SLC15A1: variants seen among roughly 807,000 people sequenced by gnomAD.
SLC15A1 encodes the protein Caco-2 oligopeptide transporter.
A neutral mutation model predicts 92.9 loss-of-function variants in SLC15A1; 83 were observed. The observed-to-expected ratio is 0.89, with a 90% confidence interval of 0.75 to 1.07. The LOEUF is 1.07. Among genes scored for constraint, SLC15A1 ranks in the 50% least tolerant of loss-of-function variants. The pLI, the probability that SLC15A1 is intolerant of heterozygous loss-of-function variation, is 0.00. For synonymous variants in SLC15A1, 322 were observed against 318.2 expected, an observed-to-expected ratio of 1.01 and a Z score of -0.13; for missense variants, 857 against 880.1, an observed-to-expected ratio of 0.97 and a Z score of 0.33.
intron 1 of SLC15A1, among the ~76,000 whole-genome samples, chr13:98,735,289 C>A (rs2088383157): frequency 6.6e-6 from 1 of 152,182 alleles, no homozygotes; most frequent in Non-Finnish European, 1.5e-5. Flanking sequence ...ATTCAACAGC[C>A]TTCATGCTAA....
At chr13:98,724,911 T>C (rs2088286840) in intron 4 of SLC15A1, among the ~76,000 whole-genome samples, 1 of 152,216 alleles carries the variant, frequency 6.6e-6, no homozygotes, top group South Asian at 2.1e-4. Context: ...AGTTTGGTTA[T>C]CTGTCTCCTG....
intron 18 of SLC15A1, among the ~76,000 whole-genome samples, chr13:98,696,696 G>T (rs112914941): frequency 3.3e-5 from 5 of 152,120 alleles, no homozygotes; most frequent in Non-Finnish European, 5.9e-5. Context: ...GAGCACGTGT[G>T]GGGGACAGGA....
intron 3 of SLC15A1, 23 bp from the exon 4 acceptor site, chr13:98,726,287 G>A (rs1045753020): frequency 1.4e-5 from 22 of 1,613,866 alleles, no homozygotes; most frequent in Non-Finnish European, 1.9e-5. Flanking sequence ...GCAGGTGGAA[G>A]AGGAGGGGGA....
intron 22 of SLC15A1, 49 bp from the exon 23 acceptor site, chr13:98,684,964 G>A (rs1195688400): frequency 6.7e-7 from 1 of 1,489,258 alleles, no homozygotes; most frequent in Non-Finnish European, 9.2e-7. Context: ...AAATAAAACA[G>A]GTCATACTGA....
At chr13:98,728,977 TAA>T (rs71218592) in intron 1 of SLC15A1, among the ~76,000 whole-genome samples, 173 of 13,880 alleles carry the variant, frequency 0.012, no homozygotes, top group African/African-American at 0.048. Flanking sequence ...TAAGGCTCTG[TAA>T]AAAAAAAAAA....
rs184973285 is a variant in SLC15A1, at chr13:98,714,632, C to T, written c.723+1246G>A. On this transcript the variant is annotated intron_variant, in intron 9 of 22. Transcript: ENST00000376503. Reference sequence around the variant, plus strand: ...GTGCACCACTGCCCTCCAGCCTGGGCGACAGAGCAAGACTCCATCTCAAAA... The same window carrying T: ...GTGCACCACTGCCCTCCAGCCTGGGTGACAGAGCAAGACTCCATCTCAAAA... 7.5e-4 allele frequency among the ~76,000 whole-genome samples: 87 copies of T among 116,284 alleles called. 1 individual carries two copies. The Admixed American group carries it at 7.7e-3, about 10-fold the overall frequency. 76.3% of individuals were successfully genotyped at this position (116,284 alleles called of 152,430 possible).
chr13:98,731,903 G>C (rs1216975887), intron 1 of SLC15A1, among the ~76,000 whole-genome samples: 1 of 152,154 alleles, frequency 6.6e-6, no homozygotes, highest in East Asian at 1.9e-4. Context: ...TCAGTACCCA[G>C]CCATTACCAA....
chr13:98,734,570 G>C (rs1397910919), intron 1 of SLC15A1, among the ~76,000 whole-genome samples: 2 of 152,122 alleles, frequency 1.3e-5, no homozygotes, highest in Non-Finnish European at 2.9e-5. Flanking sequence ...GGACACTCCT[G>C]CCTTAATACT....
At chr13:98,747,036 C>G (rs577725636) in intron 1 of SLC15A1, among the ~76,000 whole-genome samples, 6 of 152,174 alleles carry the variant, frequency 3.9e-5, no homozygotes, top group Non-Finnish European at 7.3e-5. Context: ...TGGCCCCCCC[C>G]ACCCCGGCTG....
chr13:98,719,415 C>T (rs1373300104), intron 7 of SLC15A1, 95 bp from the exon 8 acceptor site: 3 of 838,674 alleles, frequency 3.6e-6, no homozygotes, highest in Non-Finnish European at 5.9e-6. Flanking sequence ...TTACGTATTG[C>T]TTTCACATAC....
At position 98,727,010 on chromosome 13, in the gene SLC15A1, A is replaced by T. The variant is rs534306433; in HGVS notation, c.5-151T>A. The T allele has an allele frequency of 4.2e-6, 3 of 706,908 alleles. No individual in the cohort carries two copies. The African/African-American group carries it at 5.3e-5, about 13-fold the overall frequency. 43.8% of individuals were successfully genotyped at this position (706,908 alleles called of 1,614,324 possible). The stretch of plus-strand genomic sequence containing the variant: ...TCCCTGGGATCCCGGCCCCAGACTC[A>T]TGCTTCTTATCTGAGGTGGGGCCTG... On this transcript the variant is annotated intron_variant, in intron 1 of 22. Transcript: ENST00000376503.
intron 1 of SLC15A1, among the ~76,000 whole-genome samples, chr13:98,727,609 T>C (rs2088312957): frequency 6.6e-6 from 1 of 152,172 alleles, no homozygotes; most frequent in African/African-American, 2.4e-5. Context: ...GACTCTCCCA[T>C]GTGCATCCTA....
intron 18 of SLC15A1, among the ~76,000 whole-genome samples, chr13:98,701,076 C>T (rs1212425225): frequency 6.6e-6 from 1 of 152,062 alleles, no homozygotes; most frequent in Non-Finnish European, 1.5e-5. Context: ...AAAAATAATG[C>T]TACGATTTTG....
At chr13:98,731,008 G>A (rs1336105034) in intron 1 of SLC15A1, among the ~76,000 whole-genome samples, 1 of 152,166 alleles carries the variant, frequency 6.6e-6, no homozygotes, top group African/African-American at 2.4e-5. Flanking sequence ...ACCTCGGACC[G>A]TCACTTCAAG....
At position 98,701,867 on chromosome 13, in the gene SLC15A1, G is replaced by T. The variant is rs564599876; in HGVS notation, c.1466+613C>A. On this transcript the variant is annotated intron_variant, in intron 18 of 22. Coordinates refer to ENST00000376503, the MANE Select transcript of SLC15A1 (RefSeq NM_005073.4). The stretch of plus-strand genomic sequence containing the variant: ...TTTAAAAATTTTTATTAGATACAGG[G>T]TTTCACCATGTTGTCCAGGCTGGTC... Among the ~76,000 whole-genome samples the T allele has an allele frequency of 1.1e-4, 16 of 151,790 alleles. No homozygotes were observed. In the South Asian group the frequency reaches 2.9e-3, roughly 28 times the overall value.
At chr13:98,722,406 C>A (rs958298327) in intron 5 of SLC15A1, among the ~76,000 whole-genome samples, 9 of 151,920 alleles carry the variant, frequency 5.9e-5, no homozygotes, top group African/African-American at 2.2e-4. Flanking sequence ...ATTGTCATGT[C>A]TAGATGGTGG....
Position 98,704,352 on chromosome 13 carries a change from A to C in SLC15A1, c.1353T>G (p.Thr451=), listed in dbSNP as rs150316772. 4.8e-5 allele frequency: 78 copies of C among 1,613,890 alleles called. No homozygotes were observed. Among genetic ancestry groups the C allele is most frequent in the Admixed American group, 3.5e-4 (21 of 60,000 alleles). The change falls in exon 17 of 23, where the codon ACT becomes ACG. Residue 451 remains threonine, a synonymous_variant. Transcript: ENST00000376503. The stretch of plus-strand genomic sequence containing the variant: ...GGCGTTGGCCCTGCTTGAAGTCGTC[A>C]GTTACAGCAGTGACTGGTGATCCAG... ...SSPGSPVTAV[T]DDFKQGQRHT...
At chr13:98,752,375 C>CGGCGCCTCTG (rs2088553978) in intron 1 of SLC15A1, among the ~76,000 whole-genome samples, 2 of 152,132 alleles carry the variant, frequency 1.3e-5, no homozygotes, top group African/African-American at 2.4e-5. Flanking sequence ...TCGGCGGAGT[C>CGGCGCCTCTG]GGCGCCTCTG....
At position 98,726,972 on chromosome 13, in the gene SLC15A1, AC is replaced by A; in HGVS notation, c.5-114del. The A allele has an allele frequency of 4.3e-6, 4 of 923,234 alleles. No individual in the cohort carries two copies. The South Asian group carries it at 5.6e-5, about 13-fold the overall frequency. The allele number at this position is 923,234 out of a possible 1,614,324, so 57.2% of individuals were successfully genotyped here. A position where few individuals can be genotyped will look rare whatever the true frequency, so the allele number is the denominator to read the frequency against. On this transcript the variant is annotated intron_variant, in intron 1 of 22. Coordinates refer to ENST00000376503, the MANE Select transcript of SLC15A1 (RefSeq NM_005073.4). Reference sequence around the variant, plus strand: ...GGTGGTCAGAGGGGCCATTCACCAAACAGCTCCAGCCCTCCCTGGGATCCCG... The same window carrying A: ...GGTGGTCAGAGGGGCCATTCACCAAAAGCTCCAGCCCTCCCTGGGATCCCG...
Sources: allele counts gnomAD v4.1 joint callset (sites outside exome capture counted in the v4.1 genomes callset), GRCh38; gene constraint gnomAD v4.1.1; transcripts MANE v1.5; gene names NCBI Gene and HGNC (gene_info 2026-07-23, HGNC 2026-07-21).